PATJ: variants seen among roughly 807,000 people sequenced by gnomAD.
The protein encoded by PATJ is inaD-like protein.
In PATJ, 190 loss-of-function variants were observed where a neutral mutation model predicts 224.9. That is an observed-to-expected ratio of 0.84 (90% CI 0.75 to 0.95). The LOEUF is 0.95. Among genes scored for constraint, PATJ ranks in the 40% least tolerant of loss-of-function variants. The pLI, the probability that PATJ is intolerant of heterozygous loss-of-function variation, is 0.00. For missense variants in PATJ, 2,121 were observed against 2,270.3 expected (o/e 0.93, Z 1.34); for synonymous variants, 769 against 820.3 (o/e 0.94, Z 1.07).
chr1:61,962,501 A>G (rs937431603), intron 27 of PATJ, among the ~76,000 whole-genome samples: 3 of 152,214 alleles, frequency 2.0e-5, no homozygotes, highest in African/African-American at 7.2e-5. Context: ...GATATAAGGC[A>G]AATCAATCTA....
intron 27 of PATJ, among the ~76,000 whole-genome samples, chr1:61,971,346 C>G (rs1331937699): frequency 6.6e-6 from 1 of 152,142 alleles, no homozygotes; most frequent in Non-Finnish European, 1.5e-5. Context: ...GTTTCTTTCC[C>G]CAACTGTTTA....
chr1:62,017,362 C>T (rs1190378678), intron 28 of PATJ, among the ~76,000 whole-genome samples: 3 of 150,256 alleles, frequency 2.0e-5, no homozygotes, highest in South Asian at 2.1e-4. Context: ...TGCAGTGAGC[C>T]GAGATCATGC....
rs577536151 is a variant in PATJ, at chr1:61,917,807, A to C, written c.3570+3143A>C. ...GGTGGCTCATGCCTGCAATCCTAGC[A>C]CTTTGGGAGGCCAACGTGGGCGAAT... is the stretch of plus-strand genomic sequence containing the variant. On this transcript the variant is annotated intron_variant, in intron 26 of 43. Transcript: ENST00000642238. Among the ~76,000 whole-genome samples, 44 of 152,330 alleles carry C rather than the reference A, an allele frequency of 2.9e-4. No individual in the cohort carries two copies. In the South Asian group the frequency reaches 3.7e-3, roughly 13 times the overall value.
chr1:62,038,454 G>A lies in PATJ; in HGVS notation c.4032+405G>A, dbSNP rs764508417. 3.2e-5 allele frequency: 5 copies of A among 156,586 alleles called. No homozygotes were observed. The South Asian group carries it at 1.0e-3, about 31-fold the overall frequency. 9.7% of individuals were successfully genotyped at this position (156,586 alleles called of 1,614,324 possible). A position where few individuals can be genotyped will look rare whatever the true frequency, so the allele number is the denominator to read the frequency against. On this transcript the variant is annotated intron_variant, in intron 30 of 43. Transcript: ENST00000642238. ...AATGGCGAAATTACTAGCATAATAA[G>A]ATTGCTGTAATATTGGTCAGCTTCT...
chr1:61,953,584 G>C (rs1477939750), intron 27 of PATJ, among the ~76,000 whole-genome samples: 1 of 152,194 alleles, frequency 6.6e-6, no homozygotes, highest in Non-Finnish European at 1.5e-5. Flanking sequence ...ACAACTGTCT[G>C]ACTATATTGT....
rs1658911671 is a variant in PATJ at position 62,079,559 on chromosome 1, CA to C, written c.4236del (p.Gly1413AlafsTer24). ...SSYHSTDADF[T>X]GYGGFQAPLS... Reference sequence around the variant, plus strand: ...TACCATTCAACAGATGCAGACTTCACAGGCTATGGTATGATTCTTTCTCTCA... The same window carrying C: ...TACCATTCAACAGATGCAGACTTCACGGCTATGGTATGATTCTTTCTCTCA... On this transcript the variant is annotated frameshift_variant, in exon 32 of 44. Coordinates refer to ENST00000642238, the MANE Select transcript of PATJ (RefSeq NM_001350145.3). LOFTEE classifies it high-confidence loss of function. 1 of 1,586,644 alleles carries C rather than the reference CA, an allele frequency of 6.3e-7. No individual in the cohort carries two copies. The highest frequency in any genetic ancestry group is 1.3e-5 in the African/African-American group (1 of 74,294).
At chr1:61,856,272 A>G (rs1404129202) in intron 18 of PATJ, 33 bp downstream of exon 18, 3 of 1,526,280 alleles carry the variant, frequency 2.0e-6, no homozygotes, top group African/African-American at 1.4e-5. Flanking sequence ...ATAGGAAGTG[A>G]TAATAGTGCA....
intron 12 of PATJ, among the ~76,000 whole-genome samples, chr1:61,802,027 G>T (rs1337747758): frequency 6.6e-6 from 1 of 150,498 alleles, no homozygotes; most frequent in Non-Finnish European, 1.5e-5. Flanking sequence ...ATGTTAGTGT[G>T]CTGCACCCAT....
At chr1:61,882,962 A>C (rs1312784051) in intron 21 of PATJ, among the ~76,000 whole-genome samples, 1 of 151,804 alleles carries the variant, frequency 6.6e-6, no homozygotes, top group African/African-American at 2.4e-5. Context: ...TACCTTATGC[A>C]TTATCTTTTT....
At chr1:61,996,158 T>A (rs548127011) in intron 28 of PATJ, among the ~76,000 whole-genome samples, 7 of 152,070 alleles carry the variant, frequency 4.6e-5, no homozygotes, top group Non-Finnish European at 7.4e-5. Context: ...TCATGAAAAA[T>A]CAAAAGCATG....
chr1:62,035,194 T>C (rs2067882), intron 29 of PATJ, among the ~76,000 whole-genome samples: 23,552 of 152,228 alleles, frequency 0.15, 1,964 homozygotes, highest in Middle Eastern at 0.26. Flanking sequence ...AAACAATAGC[T>C]AAGCCATCTC....
intron 28 of PATJ, among the ~76,000 whole-genome samples, chr1:61,995,502 C>T (rs1332927265): frequency 1.3e-5 from 2 of 152,142 alleles, no homozygotes; most frequent in African/African-American, 4.8e-5. Flanking sequence ...CTCAGCTTCT[C>T]TTTGAGAGCC....
chr1:61,979,699 A>G (rs967808188), intron 27 of PATJ, among the ~76,000 whole-genome samples: 4 of 151,754 alleles, frequency 2.6e-5, no homozygotes, highest in African/African-American at 4.9e-5. Flanking sequence ...ATACACATTT[A>G]TTTAATATAC....
At chr1:62,039,058 A>G (rs1650985356) in intron 30 of PATJ, 4 of 908,588 alleles carry the variant, frequency 4.4e-6, no homozygotes, top group South Asian at 2.6e-5. Context: ...TGGGAACATT[A>G]TGATCCAGAA....
rs564436454 is a variant in PATJ, at chr1:61,871,525, A to G, written c.2836-3718A>G. ...TACATATATACGCATATATATAAAT[A>G]TGTGTGTGTGTGTGTATATATATAT... On this transcript the variant is annotated intron_variant, in intron 20 of 43. Coordinates refer to ENST00000642238, the MANE Select transcript of PATJ (RefSeq NM_001350145.3). 5.9e-3 allele frequency among the ~76,000 whole-genome samples: 702 copies of G among 118,490 alleles called. 12 individuals carry two copies. Among genetic ancestry groups the G allele is most frequent in the African/African-American group, 0.02 (647 of 31,684 alleles). 77.7% of individuals were successfully genotyped at this position (118,490 alleles called of 152,430 possible). A position where few individuals can be genotyped will look rare whatever the true frequency, so the allele number is the denominator to read the frequency against.
chr1:61,828,853 A>G (rs1658798592), intron 16 of PATJ, among the ~76,000 whole-genome samples: 1 of 152,194 alleles, frequency 6.6e-6, no homozygotes, highest in South Asian at 2.1e-4. Flanking sequence ...GTATACATGA[A>G]ACTAATCCTG....
chr1:61,961,195 A>G (rs1325412842), intron 27 of PATJ, among the ~76,000 whole-genome samples: 1 of 152,176 alleles, frequency 6.6e-6, no homozygotes, highest in Non-Finnish European at 1.5e-5. Context: ...ATCAAAGAAA[A>G]AAGGAATGCC....
At chr1:61,764,153 C>G (rs375328595) in intron 3 of PATJ, among the ~76,000 whole-genome samples, 14 of 152,178 alleles carry the variant, frequency 9.2e-5, no homozygotes, top group African/African-American at 3.4e-4. Context: ...CCACCTCGCC[C>G]GGCCGAAGTC....
chr1:61,906,752 TGGCTGGAGAAATAA>T (rs748837086), intron 24 of PATJ, among the ~76,000 whole-genome samples: 61 of 152,276 alleles, frequency 4.0e-4, no homozygotes, highest in Middle Eastern at 3.4e-3. Flanking sequence ...GTCTCTAGCA[TGGCTGGAGAAATAA>T]CCAGCCATGG....
Sources: allele counts gnomAD v4.1 joint callset (sites outside exome capture counted in the v4.1 genomes callset), GRCh38; gene constraint gnomAD v4.1.1; transcripts MANE v1.5; gene names NCBI Gene and HGNC (gene_info 2026-07-23, HGNC 2026-07-21).